ERCC6L2: variants seen among roughly 807,000 people sequenced by gnomAD.
ERCC6L2 encodes the protein ERCC excision repair 6 like 2, also known as DNA excision repair protein ERCC-6-like 2.
A neutral mutation model predicts 132.0 loss-of-function variants in ERCC6L2; 77 were observed. The observed-to-expected ratio is 0.58, with a 90% CI of 0.49 to 0.71. The LOEUF is 0.71. ERCC6L2 is among the 30% of genes least tolerant of loss of function. The pLI is 0.00. For synonymous variants in ERCC6L2, 583 were observed against 632.4 expected (o/e 0.92, Z 1.17); for missense variants, 1,542 against 1,837.6 (o/e 0.84, Z 2.94).
chr9:95,903,837 T>A (rs1452616205), intron 3 of ERCC6L2, among the ~76,000 whole-genome samples: 1 of 152,042 alleles, frequency 6.6e-6, no homozygotes, highest in Non-Finnish European at 1.5e-5. Context: ...TTGGAATCTT[T>A]GCTAGAAAAC....
chr9:96,020,767 G>A (rs1276002750), downstream of ERCC6L2: 2 of 456,792 alleles, frequency 4.4e-6, no homozygotes, highest in Non-Finnish European at 8.8e-6. Flanking sequence ...CTGTGGGGAT[G>A]GGGAGTGGAC....
intron 4 of ERCC6L2, among the ~76,000 whole-genome samples, chr9:95,915,217 A>C (rs73534656): frequency 0.02 from 2,979 of 152,250 alleles, 107 homozygotes; most frequent in African/African-American, 0.069. Context: ...ATGGGTGCTC[A>C]TTGCTACTGG....
chr9:95,966,875 T>A, intron 14 of ERCC6L2, 161 bp downstream of exon 14: 1 of 468,010 alleles, frequency 2.1e-6, no homozygotes, highest in Non-Finnish European at 3.6e-6. Context: ...AGAAATGAAT[T>A]ATTGTACCTC....
intron 16 of ERCC6L2, among the ~76,000 whole-genome samples, chr9:95,976,781 A>C (rs1832690305): frequency 6.6e-6 from 1 of 152,134 alleles, no homozygotes; most frequent in African/African-American, 2.4e-5. Flanking sequence ...TGGTGATTTT[A>C]AGAGTTAGCA....
At chr9:95,923,561 G>C (rs1225389994) in intron 9 of ERCC6L2, among the ~76,000 whole-genome samples, 182 bp downstream of exon 9, 1 of 152,148 alleles carries the variant, frequency 6.6e-6, no homozygotes, top group Non-Finnish European at 1.5e-5. Context: ...AATACAGATG[G>C]TGTGCACTCG....
intron 11 of ERCC6L2, among the ~76,000 whole-genome samples, chr9:95,937,238 A>G (rs1830598553): frequency 1.3e-5 from 2 of 152,206 alleles, no homozygotes; most frequent in Admixed American, 6.5e-5. Flanking sequence ...CATTCCCCAC[A>G]GCAGTGTGTG....
intron 4 of ERCC6L2, among the ~76,000 whole-genome samples, chr9:95,911,703 A>G (rs138671579): frequency 1.5e-4 from 23 of 152,290 alleles, no homozygotes; most frequent in African/African-American, 5.3e-4. Context: ...TGAACGTGCT[A>G]TGAACTGAAT....
chr9:95,888,072 T>G (rs1827969079), intron 2 of ERCC6L2, among the ~76,000 whole-genome samples: 1 of 151,804 alleles, frequency 6.6e-6, no homozygotes, highest in African/African-American at 2.4e-5. Flanking sequence ...TTTGTGGTTT[T>G]TTTTTTTTTT....
intron 15 of ERCC6L2, 42 bp downstream of exon 15, chr9:95,970,698 CAT>C (rs1251657884): frequency 8.3e-7 from 1 of 1,206,162 alleles, no homozygotes; most frequent in Non-Finnish European, 1.1e-6. Context: ...ACCTAGAAAA[CAT>C]GTACTGTGAC....
Position 96,013,268 on chromosome 9 carries a change from ACT to A in ERCC6L2, c.*66_*67del. ...CACTGTTTACGGCACTGGATTCCACACTGATTCTATTATCTTGAACACAGTTG... is the reference window on the plus strand; with the variant it reads ...CACTGTTTACGGCACTGGATTCCACAGATTCTATTATCTTGAACACAGTTG... On this transcript the variant is annotated 3_prime_UTR_variant, in exon 19 of 19. Transcript: ENST00000653738. 3.3e-6 allele frequency: 4 copies of A among 1,221,392 alleles called. No individual in the cohort carries two copies. The highest frequency in any genetic ancestry group is 4.3e-6 in the Non-Finnish European group (4 of 930,584). 75.7% of individuals were successfully genotyped at this position (1,221,392 alleles called of 1,614,324 possible).
intron 19 of ERCC6L2, among the ~76,000 whole-genome samples, chr9:96,034,684 T>C (rs1834499803): frequency 6.6e-6 from 1 of 152,158 alleles, no homozygotes; most frequent in Admixed American, 6.5e-5. Context: ...GTGGGAGCCC[T>C]GCCCCTTCTG....
At chr9:95,975,944 G>A (rs534133674) in intron 16 of ERCC6L2, among the ~76,000 whole-genome samples, 6 of 151,960 alleles carry the variant, frequency 3.9e-5, no homozygotes, top group African/African-American at 1.2e-4. Flanking sequence ...TCTGATTTAC[G>A]TTGATTCATG....
At chr9:95,887,773 A>G (rs1296952158) in intron 2 of ERCC6L2, among the ~76,000 whole-genome samples, 1 of 152,196 alleles carries the variant, frequency 6.6e-6, no homozygotes, top group Non-Finnish European at 1.5e-5. Flanking sequence ...TAGATTCAAA[A>G]CATACTAAAA....
At chr9:95,916,203 A>C in intron 5 of ERCC6L2, 24 bp from the exon 6 acceptor site, 1 of 1,602,226 alleles carries the variant, frequency 6.2e-7, no homozygotes, top group Non-Finnish European at 8.5e-7. Flanking sequence ...AAGCCCTTAC[A>C]TTTTTCTTAT....
intron 12 of ERCC6L2, among the ~76,000 whole-genome samples, chr9:95,948,385 G>C (rs1356487460): frequency 6.6e-6 from 1 of 152,230 alleles, no homozygotes; most frequent in East Asian, 1.9e-4. Context: ...AGGCACAGTG[G>C]CTCATGCCTG....
At chr9:96,031,656 G>A (rs867206798) in intron 19 of ERCC6L2, among the ~76,000 whole-genome samples, 34 of 152,362 alleles carry the variant, frequency 2.2e-4, no homozygotes, top group African/African-American at 8.2e-4. Flanking sequence ...GCGCCCTGAG[G>A]GCAGTGACAG....
intron 17 of ERCC6L2, among the ~76,000 whole-genome samples, chr9:95,995,318 A>G (rs899040971): frequency 6.6e-6 from 1 of 152,248 alleles, no homozygotes; most frequent in South Asian, 2.1e-4. Context: ...GGTTCAAAAG[A>G]AAAAGTATTA....
At chr9:95,954,453 C>T (rs1251413375) in intron 12 of ERCC6L2, among the ~76,000 whole-genome samples, 1 of 152,132 alleles carries the variant, frequency 6.6e-6, no homozygotes, top group Non-Finnish European at 1.5e-5. Context: ...CTCTGACAGC[C>T]GGAACTGAGA....
At chr9:95,948,437 G>A (rs754092564) in intron 12 of ERCC6L2, among the ~76,000 whole-genome samples, 3 of 152,172 alleles carry the variant, frequency 2.0e-5, no homozygotes, top group Non-Finnish European at 2.9e-5. Flanking sequence ...TAGATCACTT[G>A]AGGTCAGGAG....
Sources: allele counts gnomAD v4.1 joint callset (sites outside exome capture counted in the v4.1 genomes callset), GRCh38; gene constraint gnomAD v4.1.1; transcripts MANE v1.5; gene names NCBI Gene and HGNC (gene_info 2026-07-23, HGNC 2026-07-21).